Variants in SGIP1 observed in about 807,000 individuals in gnomAD.
SGIP1 encodes SH3-containing GRB2-like protein 3-interacting protein 1.
SGIP1 carries 38 observed loss-of-function variants against 107.5 expected under a neutral mutation model. The observed-to-expected ratio is 0.35, with a 90% confidence interval of 0.27 to 0.46. SGIP1 has a LOEUF of 0.46. SGIP1 is among the 20% of genes least tolerant of loss of function. The probability of loss-of-function intolerance (pLI) is 1.00; values close to 1 mark genes in which losing one functional copy is unlikely to be tolerated. For synonymous variants in SGIP1, 365 were observed against 366.1 expected, an observed-to-expected ratio of 1.00 and a Z score of 0.03; for missense variants, 929 against 1,019.5, an observed-to-expected ratio of 0.91 and a Z score of 1.21.
intron 1 of SGIP1, among the ~76,000 whole-genome samples, chr1:66,614,628 C>T (rs2068761133): frequency 6.6e-6 from 1 of 151,824 alleles, no homozygotes; most frequent in Admixed American, 6.6e-5. Flanking sequence ...ACTTTTTAAA[C>T]CATTTATATC....
chr1:66,666,594 C>T (rs1356264263), intron 8 of SGIP1: 3 of 152,490 alleles, frequency 2.0e-5, no homozygotes, highest in Non-Finnish European at 4.4e-5. Flanking sequence ...TTGATTCTTC[C>T]TATCCATGAG....
intron 1 of SGIP1, among the ~76,000 whole-genome samples, chr1:66,603,114 T>C (rs980199724): frequency 6.6e-6 from 1 of 152,200 alleles, no homozygotes; most frequent in African/African-American, 2.4e-5. Flanking sequence ...AAATAGATGA[T>C]AAATGTTAAG....
intron 8 of SGIP1, among the ~76,000 whole-genome samples, chr1:66,665,125 C>A (rs2149768537): frequency 6.6e-6 from 1 of 152,298 alleles, no homozygotes; most frequent in Non-Finnish European, 1.5e-5. Flanking sequence ...CCTCCCCCAT[C>A]CACCACCCCA....
chr1:66,730,782 G>A (rs2093972591), intron 20 of SGIP1, among the ~76,000 whole-genome samples: 3 of 152,082 alleles, frequency 2.0e-5, no homozygotes, highest in Admixed American at 6.6e-5. Flanking sequence ...TTTAGCTCCA[G>A]CCAGACCTGC....
At chr1:66,544,886 C>T (rs191060002) in intron 1 of SGIP1, among the ~76,000 whole-genome samples, 49 of 152,204 alleles carry the variant, frequency 3.2e-4, no homozygotes, top group African/African-American at 1.1e-3. Flanking sequence ...TTGACTGTAA[C>T]CATTAAATTT....
rs368067462 is a variant in SGIP1 at position 66,750,021 on chromosome 1, C to CTGTG, written c.*6935_*6938dup. Among the ~76,000 whole-genome samples, 11 of 137,616 alleles carry CTGTG rather than the reference C, an allele frequency of 8.0e-5. No homozygotes were observed. The highest frequency in any genetic ancestry group is 2.6e-4 in the South Asian group (1 of 3,890). The allele number at this position is 137,616 out of a possible 152,430, so 90.3% of individuals were successfully genotyped here. A position where few individuals can be genotyped will look rare whatever the true frequency, so the allele number is the denominator to read the frequency against. On this transcript the variant is annotated 3_prime_UTR_variant, in exon 25 of 25. Transcript: ENST00000371037. Reference sequence around the variant, plus strand: ...TCTCTCTCTCTCTCTCTCTCTTTCTCTGTGTGTGTGTGGGGGTGTGTGTGT... The same window carrying CTGTG: ...TCTCTCTCTCTCTCTCTCTCTTTCTCTGTGTGTGTGTGTGTGGGGGTGTGTGTGT...
At chr1:66,639,334 T>C (rs777366170) in intron 4 of SGIP1, among the ~76,000 whole-genome samples, 102 of 152,334 alleles carry the variant, frequency 6.7e-4, no homozygotes, top group Non-Finnish European at 1.3e-3. Context: ...AAAAGACTAG[T>C]TAATGACTTG....
At chr1:66,606,580 G>A (rs2066890349) in intron 1 of SGIP1, among the ~76,000 whole-genome samples, 2 of 152,186 alleles carry the variant, frequency 1.3e-5, no homozygotes, top group South Asian at 4.1e-4. Flanking sequence ...GTAATTTACA[G>A]CATCCATCAT....
intron 2 of SGIP1, 144 bp downstream of exon 2, chr1:66,626,054 A>T (rs2072599333): frequency 4.1e-6 from 2 of 491,896 alleles, no homozygotes. Flanking sequence ...GTAATTATTC[A>T]ATATAAACAG....
chr1:66,727,367 T>G (rs1172737013), intron 19 of SGIP1, among the ~76,000 whole-genome samples: 2 of 152,160 alleles, frequency 1.3e-5, no homozygotes, highest in East Asian at 3.8e-4. Context: ...TACTCACCTA[T>G]GAGAATGGCT....
At chr1:66,612,313 C>T (rs914430804) in intron 1 of SGIP1, among the ~76,000 whole-genome samples, 1 of 152,228 alleles carries the variant, frequency 6.6e-6, no homozygotes, top group Non-Finnish European at 1.5e-5. Flanking sequence ...ACACTTTCCA[C>T]TGGCACCACT....
In SGIP1 at chr1:66,690,304, A is replaced by G. The variant is rs2089532727; in HGVS notation, c.1558A>G (p.Thr520Ala). Residue 520 changes from threonine to alanine, a missense_variant, in exon 17 of 25, where the codon ACT (threonine) becomes GCT (alanine). Physicochemically the swap from Thr to Ala is moderately conservative, Grantham distance 58. Transcript: ENST00000371037. ...AACCAATTCCTTGAGCGCAGCCACC[A>G]CTCCCACAGTTGGTAAAAATTCTCT... The part of the protein sequence containing the change: ...SSTNSLSAAT[T>A]PTVENEQPSL... 1.2e-6 allele frequency: 2 copies of G among 1,613,636 alleles called. No individual in the cohort carries two copies. The highest frequency in any genetic ancestry group is 2.2e-5 in the East Asian group (1 of 44,858).
chr1:66,574,667 G>T (rs1288361409), intron 1 of SGIP1, among the ~76,000 whole-genome samples: 1 of 152,058 alleles, frequency 6.6e-6, no homozygotes, highest in African/African-American at 2.4e-5. Context: ...ATCTATCCTT[G>T]TTACTTCCCC....
At chr1:66,646,683 A>G (rs2077730211) in intron 7 of SGIP1, among the ~76,000 whole-genome samples, 1 of 152,230 alleles carries the variant, frequency 6.6e-6, no homozygotes, top group African/African-American at 2.4e-5. Context: ...AATTATATGT[A>G]TATACAATAT....
At chr1:66,670,869 G>A (rs1273367307) in intron 9 of SGIP1, 126 bp from the exon 10 acceptor site, 3 of 451,198 alleles carry the variant, frequency 6.6e-6, no homozygotes, top group African/African-American at 4.0e-5. Flanking sequence ...ATGCGGTTCT[G>A]AGAAAAAGTT....
At chr1:66,663,279 T>C (rs1408724559) in intron 8 of SGIP1, among the ~76,000 whole-genome samples, 1 of 152,056 alleles carries the variant, frequency 6.6e-6, no homozygotes, top group Non-Finnish European at 1.5e-5. Flanking sequence ...TGGACATAGA[T>C]CTCTCAGCTT....
At chr1:66,553,876 T>C (rs1023913400) in intron 1 of SGIP1, among the ~76,000 whole-genome samples, 1 of 152,110 alleles carries the variant, frequency 6.6e-6, no homozygotes, top group Non-Finnish European at 1.5e-5. Flanking sequence ...TGGAGTTTCC[T>C]TCCACCTCTG....
chr1:66,750,036 GGTGTGTGTGTGT>G lies in SGIP1; in HGVS notation c.*6962_*6973del, dbSNP rs1197339481. On this transcript the variant is annotated 3_prime_UTR_variant, in exon 25 of 25. Transcript: ENST00000371037. ...CTCTCTTTCTCTGTGTGTGTGTGGG[GGTGTGTGTGTGT>G]GTGTGTGTGTGTGTGTGTGTCTCTT... 2.5e-5 allele frequency among the ~76,000 whole-genome samples: 3 copies of G among 119,170 alleles called. No homozygotes were observed. Among genetic ancestry groups the G allele is most frequent in the East Asian group, 4.9e-4 (2 of 4,098 alleles). 78.2% of individuals were successfully genotyped at this position (119,170 alleles called of 152,430 possible).
rs79648624 is a variant in SGIP1, at chr1:66,701,095, T to C, written c.1630+5602T>C. 2.0e-5 allele frequency among the ~76,000 whole-genome samples: 3 copies of C among 152,172 alleles called. No homozygotes were observed. The East Asian group carries it at 5.8e-4, about 29-fold the overall frequency. ...TACTTAGTCATTGGCAAGTCACAATTATAGTCATAGAGCATTCGACTTTCC... is the reference window on the plus strand; with the variant it reads ...TACTTAGTCATTGGCAAGTCACAATCATAGTCATAGAGCATTCGACTTTCC... On this transcript the variant is annotated intron_variant, in intron 18 of 24. Transcript: ENST00000371037.
Sources: allele counts gnomAD v4.1 joint callset (sites outside exome capture counted in the v4.1 genomes callset), GRCh38; gene constraint gnomAD v4.1.1; transcripts MANE v1.5; gene names NCBI Gene and HGNC (gene_info 2026-07-23, HGNC 2026-07-21).